RSPH9: variants seen among roughly 807,000 people sequenced by gnomAD.
RSPH9 encodes the protein radial spoke head protein 9 homolog.
RSPH9 carries 27 observed loss-of-function variants against 27.0 expected under a neutral mutation model. The ratio of observed to expected loss-of-function variants is 1.00; its 90% CI spans 0.74 to 1.38. The LOEUF is 1.38. RSPH9 is among the 40% of genes most tolerant of loss of function. The pLI, the probability that RSPH9 is intolerant of heterozygous loss-of-function variation, is 0.00. For synonymous variants in RSPH9, 145 were observed against 147.7 expected (o/e 0.98, Z 0.13); for missense variants, 347 against 357.4 (o/e 0.97, Z 0.24).
chr6:43,672,545 C>T lies in RSPH9; in HGVS notation c.*1596C>T. ...CCTGATAGTTCCCAGAAAAGTGGCT[C>T]ATGCCGGCTAGGATTGGGTTTTACT... On this transcript the variant is annotated 3_prime_UTR_variant, in exon 5 of 5. Coordinates refer to ENST00000372163, the MANE Select transcript of RSPH9 (RefSeq NM_152732.5). 2.4e-6 allele frequency: 1 copy of T among 422,854 alleles called. No homozygotes were observed. Among genetic ancestry groups the T allele is most frequent in the South Asian group, 1.7e-5 (1 of 59,344 alleles). The allele number at this position is 422,854 out of a possible 1,614,324, so 26.2% of individuals were successfully genotyped here. A position where few individuals can be genotyped will look rare whatever the true frequency, so the allele number is the denominator to read the frequency against.
At chr6:43,656,036 CCCCTTCTTTCCCTTCTTT>C (rs142138360) in intron 3 of RSPH9, among the ~76,000 whole-genome samples, 36 of 101,822 alleles carry the variant, frequency 3.5e-4, no homozygotes, top group Non-Finnish European at 6.4e-4. Context: ...TTCCTTCCTT[CCCCTTCTTTCCCTTCTTT>C]CCCTTCTTTC....
chr6:43,656,878 A>C (rs1772095061), intron 4 of RSPH9, among the ~76,000 whole-genome samples, 155 bp downstream of exon 4: 4 of 152,208 alleles, frequency 2.6e-5, no homozygotes, highest in Non-Finnish European at 5.9e-5. Flanking sequence ...CCCAGGGCCC[A>C]GCTTATAGTA....
intron 4 of RSPH9, among the ~76,000 whole-genome samples, chr6:43,659,617 C>T (rs879574471): frequency 2.3e-4 from 35 of 152,076 alleles, no homozygotes; most frequent in Middle Eastern, 3.2e-3. Flanking sequence ...CGCCTGACCT[C>T]GTGATCCGCC....
At chr6:43,650,303 G>C in intron 1 of RSPH9, 72 bp from the exon 2 acceptor site, 1 of 1,567,472 alleles carries the variant, frequency 6.4e-7, no homozygotes, top group Non-Finnish European at 8.7e-7. Flanking sequence ...CCACTAGACA[G>C]AAGGGAAGAT....
rs1207317544 is a variant in RSPH9, at chr6:43,656,627, G to A, written c.574G>A (p.Glu192Lys). The A allele has an allele frequency of 1.2e-6, 2 of 1,614,022 alleles. No homozygotes were observed. Among genetic ancestry groups the A allele is most frequent in the Admixed American group, 1.7e-5 (1 of 59,994 alleles). The part of the protein sequence containing the change: ...KKLSSYFHFR[E>K]PVELKNKTLL... ...GCTCAGCTCCTACTTCCATTTCAGG[G>A]AGCCTGTTGAGCTAAAGAATAAGAC... The change falls in exon 4 of 5, where the codon GAG (glutamate) becomes AAG (lysine). Residue 192 changes from glutamate to lysine, a missense_variant. Transcript: ENST00000372163.
intron 4 of RSPH9, chr6:43,666,600 G>C (rs563957597): frequency 1.1e-6 from 1 of 929,310 alleles, no homozygotes; most frequent in East Asian, 2.7e-5. Context: ...TGGGAGAGCT[G>C]TTGTCCTCAT....
At chr6:43,666,305 C>T (rs1773129364) in intron 4 of RSPH9, 4 of 740,574 alleles carry the variant, frequency 5.4e-6, no homozygotes, top group Non-Finnish European at 9.4e-6. Context: ...AGCAGCTGGG[C>T]TGGGCTGCTA....
intron 2 of RSPH9, among the ~76,000 whole-genome samples, chr6:43,653,715 G>A (rs990772644): frequency 1.3e-5 from 2 of 151,776 alleles, no homozygotes; most frequent in African/African-American, 2.4e-5. Flanking sequence ...TTTTTGAGAC[G>A]GAGTTTTGCT....
At chr6:43,656,955 G>A (rs1194812498) in intron 4 of RSPH9, among the ~76,000 whole-genome samples, 1 of 152,156 alleles carries the variant, frequency 6.6e-6, no homozygotes, top group Non-Finnish European at 1.5e-5. Context: ...ACAGAGAGGA[G>A]GTATCTCAAT....
chr6:43,654,177 G>A (rs76490881), intron 2 of RSPH9, among the ~76,000 whole-genome samples: 1 of 152,122 alleles, frequency 6.6e-6, no homozygotes. Context: ...AGGTGGCTCC[G>A]TGACTCTCTA....
intron 4 of RSPH9, among the ~76,000 whole-genome samples, chr6:43,666,155 A>T (rs1773114031): frequency 6.6e-6 from 1 of 152,088 alleles, no homozygotes; most frequent in Admixed American, 6.6e-5. Flanking sequence ...CGATGGTTCG[A>T]TGAGGGTCAT....
At chr6:43,655,298 G>A (rs1006743131) in intron 2 of RSPH9, among the ~76,000 whole-genome samples, 4 of 152,150 alleles carry the variant, frequency 2.6e-5, no homozygotes, top group South Asian at 2.1e-4. Flanking sequence ...CTAGGGTCTC[G>A]GACTGGGGTG....
intron 4 of RSPH9, among the ~76,000 whole-genome samples, chr6:43,660,277 G>A (rs1400338440): frequency 6.6e-6 from 1 of 151,980 alleles, no homozygotes; most frequent in Non-Finnish European, 1.5e-5. Context: ...CTGACCTCAA[G>A]TGATCTGCCC....
Position 43,670,775 on chromosome 6 carries a change from CTGTCT to C in RSPH9, c.671-12_671-8del. Reference sequence around the variant, plus strand: ...AGCAGCACCAGGCCTCACCTCCTGCCTGTCTTATCTCAGGGTCCTGGAGCATCCAG... The same window carrying C: ...AGCAGCACCAGGCCTCACCTCCTGCCTATCTCAGGGTCCTGGAGCATCCAG... On this transcript the variant is annotated splice_polypyrimidine_tract_variant and intron_variant, in intron 4 of 4. Coordinates refer to ENST00000372163, the MANE Select transcript of RSPH9 (RefSeq NM_152732.5). 1 of 1,613,456 alleles carries C rather than the reference CTGTCT, an allele frequency of 6.2e-7. No homozygotes were observed. Among genetic ancestry groups the C allele is most frequent in the Non-Finnish European group, 8.5e-7 (1 of 1,179,494 alleles).
chr6:43,663,052 C>T (rs1324094270), intron 4 of RSPH9, among the ~76,000 whole-genome samples: 1 of 152,060 alleles, frequency 6.6e-6, no homozygotes, highest in African/African-American at 2.4e-5. Flanking sequence ...CCTGCCTCAG[C>T]CTCCTAAAGT....
chr6:43,653,020 A>G (rs1771644005), intron 2 of RSPH9, among the ~76,000 whole-genome samples: 1 of 151,460 alleles, frequency 6.6e-6, no homozygotes, highest in Non-Finnish European at 1.5e-5. Flanking sequence ...GGGTCTTGCT[A>G]TGTTGCCCAG....
chr6:43,666,565 G>T, intron 4 of RSPH9: 1 of 1,273,574 alleles, frequency 7.9e-7, no homozygotes, highest in South Asian at 1.3e-5. Context: ...AAAGTGACAA[G>T]AGACACCTTG....
At chr6:43,669,209 G>A (rs1773454929) in intron 4 of RSPH9, among the ~76,000 whole-genome samples, 1 of 152,176 alleles carries the variant, frequency 6.6e-6, no homozygotes, top group African/African-American at 2.4e-5. Flanking sequence ...TGGGCTGGAG[G>A]GGGCTGACGT....
chr6:43,650,243 C>A, intron 1 of RSPH9, 132 bp from the exon 2 acceptor site: 1 of 1,056,218 alleles, frequency 9.5e-7, no homozygotes, highest in African/African-American at 1.6e-5. Flanking sequence ...AGTCTCACGA[C>A]AGCATTGGGA....
Sources: gnomAD v4.1 joint callset for allele counts (sites outside exome capture counted in the v4.1 genomes callset) on GRCh38, gnomAD v4.1.1 for gene constraint, MANE v1.5 for transcripts, NCBI Gene and HGNC (gene_info 2026-07-23, HGNC 2026-07-21) for gene names.